The following HYAL3 variants were observed in gnomAD, a reference collection of about 807,000 sequenced individuals.
The protein encoded by HYAL3 is hyaluronidase 3.
HYAL3 carries 25 observed loss-of-function variants against 29.6 expected under a neutral mutation model. That is an observed-to-expected ratio of 0.85 (90% CI 0.62 to 1.18). The LOEUF is 1.18. Among genes scored for constraint, HYAL3 ranks in the 50% most tolerant of loss-of-function variants. The pLI is 0.00. For synonymous variants in HYAL3, 215 were observed against 218.3 expected (o/e 0.99, Z 0.13); for missense variants, 442 against 548.4 (o/e 0.81, Z 1.94).
intron 1 of HYAL3, chr3:50,296,696 TG>T (rs1553711219): frequency 6.2e-7 from 1 of 1,608,848 alleles, no homozygotes; most frequent in East Asian, 2.2e-5. Context: ...CTGATGGAAC[TG>T]GGGGTGAGAT....
At chr3:50,293,822 T>A (rs908849102) in intron 2 of HYAL3, 101 bp from the exon 3 acceptor site, 1 of 1,058,680 alleles carries the variant, frequency 9.4e-7, no homozygotes, top group Non-Finnish European at 1.4e-6. Context: ...CACAATCTGA[T>A]TCTAACTCTA....
chr3:50,294,931 G>T lies in HYAL3; in HGVS notation c.672C>A (p.Thr224=), dbSNP rs587650562. ...SNYTGRCHAA[T]LARNTQLHWL... ...AATGCAGTTGAGTGTTGCGGGCAAG[G>T]GTGGCTGCATGGCAGCGGCCGGTAT... The change falls in exon 2 of 4, where the codon ACC becomes ACA. Residue 224 remains threonine (T), a synonymous_variant. Coordinates refer to ENST00000336307, the MANE Select transcript of HYAL3 (RefSeq NM_003549.4). 1.2e-4 allele frequency: 185 copies of T among 1,602,284 alleles called. 2 individuals carry two copies. The South Asian group carries it at 1.9e-3, about 17-fold the overall frequency.
At position 50,298,707 on chromosome 3, in the gene HYAL3, G is replaced by T. The variant is rs1317132190; in HGVS notation, c.-18+506C>A. 7.2e-6 allele frequency: 7 copies of T among 972,048 alleles called. No individual in the cohort carries two copies. In the African/African-American group the frequency reaches 8.8e-5, roughly 12 times the overall value. 60.2% of individuals were successfully genotyped at this position (972,048 alleles called of 1,614,324 possible). ...CTTCTACTCACCTGCTCCAGAGGGG[G>T]CCTCCTGGCTCCCCTTACCTCTCCT... is the stretch of plus-strand genomic sequence containing the variant. On this transcript the variant is annotated intron_variant, in intron 1 of 3. Transcript: ENST00000336307.
intron 2 of HYAL3, 121 bp downstream of exon 2, chr3:50,294,588 G>A (rs1701767354): frequency 1.3e-6 from 1 of 799,216 alleles, no homozygotes; most frequent in Non-Finnish European, 1.8e-6. Flanking sequence ...CTCCAGGACA[G>A]GGCCTTCCGC....
Position 50,292,871 on chromosome 3 carries a change from A to G in HYAL3, c.*375T>C. 6.7e-7 allele frequency: 1 copy of G among 1,489,346 alleles called. No homozygotes were observed. The highest frequency in any genetic ancestry group is 9.0e-7 in the Non-Finnish European group (1 of 1,110,582). 92.3% of individuals were successfully genotyped at this position (1,489,346 alleles called of 1,614,324 possible). A position where few individuals can be genotyped will look rare whatever the true frequency, so the allele number is the denominator to read the frequency against. ...GACTTTATGATGAAAGAGTGCAGAC[A>G]ACAGCTTAGCACTTTACCGACCTTC... On this transcript the variant is annotated 3_prime_UTR_variant, in exon 4 of 4. Coordinates refer to ENST00000336307, the MANE Select transcript of HYAL3 (RefSeq NM_003549.4).
chr3:50,297,238 CA>C lies in HYAL3; in HGVS notation c.-17-1620del. ...GGCCACTGATCATTGATGAGGTCAG[CA>C]CAAGCATCCAGGAGCTCGGGTCGGC... On this transcript the variant is annotated intron_variant, in intron 1 of 3. Transcript: ENST00000336307. The surrounding 1 kb of genome is among the most constrained non-coding windows in gnomAD (Gnocchi z 4.3). The C allele has an allele frequency of 6.2e-7, 1 of 1,612,126 alleles. No individual in the cohort carries two copies. The highest frequency in any genetic ancestry group is 8.5e-7 in the Non-Finnish European group (1 of 1,178,726).
chr3:50,293,498 G>C lies in HYAL3; in HGVS notation c.1002C>G (p.Leu334=), dbSNP rs199677260. Residue 334 remains leucine (L), a synonymous_variant, in exon 4 of 4, where the codon CTC becomes CTG. Transcript: ENST00000336307. ...CCAAGGTGTCCACCAGGTAGTCATG[G>C]AGATGCCAGCACTCCTCCTGAGGAG... ...LSSSEEECWH[L]HDYLVDTLGP... 3.7e-6 allele frequency: 6 copies of C among 1,613,014 alleles called. No homozygotes were observed. Among genetic ancestry groups the C allele is most frequent in the Non-Finnish European group, 5.1e-6 (6 of 1,179,298 alleles).
At chr3:50,296,817 G>A (rs1553711264) in intron 1 of HYAL3, 1 of 1,579,990 alleles carries the variant, frequency 6.3e-7, no homozygotes, top group African/African-American at 1.4e-5. Flanking sequence ...CCGGGGAGAG[G>A]GGGCTGTGGG....
In HYAL3 at chr3:50,295,102, G is replaced by A; in HGVS notation, c.501C>T (p.Tyr167=). 6.2e-7 allele frequency: 1 copy of A among 1,613,600 alleles called. No individual in the cohort carries two copies. The highest frequency in any genetic ancestry group is 1.3e-5 in the African/African-American group (1 of 75,050). ...CCTGCTCAAAGCCAGTATAGGCCTT[G>A]TAGAGCTGCTCCTGAGGGTCCAGGT... is the stretch of plus-strand genomic sequence containing the variant. ...FPDLDPQEQL[Y]KAYTGFEQAA... Residue 167 remains tyrosine, a synonymous_variant, in exon 2 of 4, where the codon TAC becomes TAT. Transcript: ENST00000336307.
chr3:50,292,979 C>T lies in HYAL3; in HGVS notation c.*267G>A. 6.4e-7 allele frequency: 1 copy of T among 1,554,622 alleles called. No homozygotes were observed. The highest frequency in any genetic ancestry group is 8.7e-7 in the Non-Finnish European group (1 of 1,151,446). ...GGCTTAGTGAGGTGTAGGCACAAAGCCCTAGGCTGGCAGCCCTAACTAGCT... is the reference window on the plus strand; with the variant it reads ...GGCTTAGTGAGGTGTAGGCACAAAGTCCTAGGCTGGCAGCCCTAACTAGCT... On this transcript the variant is annotated 3_prime_UTR_variant, in exon 4 of 4. Transcript: ENST00000336307.
chr3:50,297,224 A>G lies in HYAL3; in HGVS notation c.-17-1605T>C. ...AGGTGCGGCTGCGGGGCCACTGATC[A>G]TTGATGAGGTCAGCACAAGCATCCA... On this transcript the variant is annotated intron_variant, in intron 1 of 3. Transcript: ENST00000336307. This position sits in a 1 kb window ranked among gnomAD's most constrained non-coding sequence, Gnocchi z 4.3. 2 of 1,612,930 alleles carry G rather than the reference A, an allele frequency of 1.2e-6. No individual in the cohort carries two copies. The highest frequency in any genetic ancestry group is 1.7e-6 in the Non-Finnish European group (2 of 1,179,378).
chr3:50,297,468 T>C lies in HYAL3; in HGVS notation c.-18+1745A>G. 1 of 1,595,714 alleles carries C rather than the reference T, an allele frequency of 6.3e-7. No homozygotes were observed. The highest frequency in any genetic ancestry group is 8.5e-7 in the Non-Finnish European group (1 of 1,169,610). On this transcript the variant is annotated intron_variant, in intron 1 of 3. Transcript: ENST00000336307. This position sits in a 1 kb window ranked among gnomAD's most constrained non-coding sequence, Gnocchi z 4.3. ...GGTACTCAGGATCAGCTCCATCCGG[T>C]GTGTAGGGTCTAGTGTAGGGGTCAG...
intron 1 of HYAL3, chr3:50,298,200 T>C (rs888242785): frequency 2.9e-6 from 2 of 689,250 alleles, no homozygotes; most frequent in Admixed American, 6.3e-5. Flanking sequence ...CTTCTCCCTA[T>C]GTTCCGAGTC....
In HYAL3 at chr3:50,295,558, C is replaced by A. The variant is rs941395311; in HGVS notation, c.45G>T (p.Leu15=). ...GTAGGGGCTGGCCACAACCCAGGCA[C>A]AGGGCCACCCCCAGCACCAGGGCTG... ...LGPALVLGVA[L]CLGCGQPLPQ... Residue 15 remains leucine, a synonymous_variant, in exon 2 of 4, where the codon CTG becomes CTT. Coordinates refer to ENST00000336307, the MANE Select transcript of HYAL3 (RefSeq NM_003549.4). 4.4e-6 allele frequency: 7 copies of A among 1,575,794 alleles called. No homozygotes were observed. Among genetic ancestry groups the A allele is most frequent in the Non-Finnish European group, 6.0e-6 (7 of 1,157,994 alleles).
rs200299389 is a variant in HYAL3, at chr3:50,295,457, T to C, written c.146A>G (p.His49Arg). The stretch of plus-strand genomic sequence containing the variant: ...GATGCCCAGAGCATTGAGTGGCAGG[T>C]GCACACCAAAGCGGGCCTCACAGTG... ...SAHCEARFGV[H>R]LPLNALGIIA... Residue 49 changes from histidine to arginine, a missense_variant, in exon 2 of 4, where the codon CAC (histidine) becomes CGC (arginine). Physicochemically the swap from His to Arg is conservative, Grantham distance 29. Coordinates refer to ENST00000336307, the MANE Select transcript of HYAL3 (RefSeq NM_003549.4). The C allele has an allele frequency of 1.2e-6, 2 of 1,605,322 alleles. No individual in the cohort carries two copies. Among genetic ancestry groups the C allele is most frequent in the Non-Finnish European group, 1.7e-6 (2 of 1,178,040 alleles).
Position 50,297,908 on chromosome 3 carries a change from G to C in HYAL3, c.-18+1305C>G. 5 of 999,262 alleles carry C rather than the reference G, an allele frequency of 5.0e-6. No homozygotes were observed. Among genetic ancestry groups the C allele is most frequent in the Non-Finnish European group, 4.8e-6 (4 of 839,728 alleles). The allele number at this position is 999,262 out of a possible 1,614,324, so 61.9% of individuals were successfully genotyped here. A position where few individuals can be genotyped will look rare whatever the true frequency, so the allele number is the denominator to read the frequency against. On this transcript the variant is annotated intron_variant, in intron 1 of 3. Transcript: ENST00000336307. The surrounding 1 kb of genome is among the most constrained non-coding windows in gnomAD (Gnocchi z 4.3). Reference sequence around the variant, plus strand: ...TGGAGGGAGGCTGGGAGTGATGGATGAGCTGCTTAAGGCTGGGGCAGAACC... The same window carrying C: ...TGGAGGGAGGCTGGGAGTGATGGATCAGCTGCTTAAGGCTGGGGCAGAACC...
rs782256777 is a variant in HYAL3 at position 50,297,082 on chromosome 3, G to A, written c.-17-1463C>T. 7.1e-6 allele frequency: 11 copies of A among 1,540,158 alleles called. No individual in the cohort carries two copies. In the Admixed American group the frequency reaches 1.0e-4, roughly 14 times the overall value. ...AGGCTCTGGGGCTGGTTCAGCACCC[G>A]TGACAGGCGGGCATGGCCCACCACA... On this transcript the variant is annotated intron_variant, in intron 1 of 3. Coordinates refer to ENST00000336307, the MANE Select transcript of HYAL3 (RefSeq NM_003549.4). This position sits in a 1 kb window ranked among gnomAD's most constrained non-coding sequence, Gnocchi z 4.3.
Position 50,294,736 on chromosome 3 carries a change from G to C in HYAL3, c.867C>G (p.His289Gln), listed in dbSNP as rs1207124571. Residue 289 changes from histidine (H) to glutamine (Q), a missense_variant, in exon 2 of 4, where the codon CAC (histidine) becomes CAG (glutamine). His to Gln is a conservative substitution (Grantham distance 24). Coordinates refer to ENST00000336307, the MANE Select transcript of HYAL3 (RefSeq NM_003549.4). Reference protein sequence around the residue: ...LPVLAYVRLTHRRSGRFLSQD... With the variant: ...LPVLAYVRLTQRRSGRFLSQD... ...GGGACAGGAACCTCCCAGATCTCCG[G>C]TGTGTGAGGCGGACATAGGCCAGGA... 6.6e-7 allele frequency: 1 copy of C among 1,505,652 alleles called. No individual in the cohort carries two copies. The highest frequency in any genetic ancestry group is 8.9e-7 in the Non-Finnish European group (1 of 1,126,450). 93.3% of individuals were successfully genotyped at this position (1,505,652 alleles called of 1,614,324 possible). A position where few individuals can be genotyped will look rare whatever the true frequency, so the allele number is the denominator to read the frequency against.
In HYAL3 at chr3:50,294,784, A is replaced by G. The variant is rs1553710679; in HGVS notation, c.819T>C (p.Val273=). Residue 273 remains valine (V), a synonymous_variant, in exon 2 of 4, where the codon GTT becomes GTC. Transcript: ENST00000336307. The part of the protein sequence containing the change: ...RLEEAFRVAL[V]GHRHPLPVLA... ...GGACAGGCAGGGGATGTCGGTGCCCAACAAGGGCCACACGGAAGGCCTCCT... is the reference window on the plus strand; with the variant it reads ...GGACAGGCAGGGGATGTCGGTGCCCGACAAGGGCCACACGGAAGGCCTCCT... 1.3e-6 allele frequency: 2 copies of G among 1,515,780 alleles called. No homozygotes were observed. Among genetic ancestry groups the G allele is most frequent in the East Asian group, 4.6e-5 (2 of 43,854 alleles). The allele number at this position is 1,515,780 out of a possible 1,614,324, so 93.9% of individuals were successfully genotyped here.
Sources: gnomAD v4.1 joint callset for allele counts on GRCh38, gnomAD v4.1.1 for gene constraint, Gnocchi (gnomAD v3.1) non-coding constraint, MANE v1.5 for transcripts, NCBI Gene and HGNC (gene_info 2026-07-23, HGNC 2026-07-21) for gene names.